Variants in ARMC8 observed in about 807,000 individuals in gnomAD.
ARMC8 encodes the protein armadillo repeat-containing protein 8.
In ARMC8, 20 loss-of-function variants were observed where a neutral mutation model predicts 99.3. The ratio of observed to expected loss-of-function variants is 0.20; its 90% CI spans 0.14 to 0.29. The LOEUF (loss-of-function observed/expected upper bound fraction) is 0.29. Among genes scored for constraint, ARMC8 ranks in the 10% least tolerant of loss-of-function variants. The probability of loss-of-function intolerance (pLI) is 1.00; values close to 1 mark genes in which losing one functional copy is unlikely to be tolerated. For synonymous variants in ARMC8, 263 were observed against 278.3 expected (o/e 0.95, Z 0.55); for missense variants, 569 against 809.5 (o/e 0.70, Z 3.60).
chr3:138,257,360 A>G (rs1319689612), intron 12 of ARMC8, among the ~76,000 whole-genome samples: 1 of 152,210 alleles, frequency 6.6e-6, no homozygotes, highest in Non-Finnish European at 1.5e-5. Context: ...TAGGTGCTCA[A>G]GCATTTCCAT....
chr3:138,277,636 A>C (rs1283286277), intron 18 of ARMC8, among the ~76,000 whole-genome samples: 1 of 152,236 alleles, frequency 6.6e-6, no homozygotes, highest in Non-Finnish European at 1.5e-5. Context: ...GAATAGCTAA[A>C]AATTTTTTTA....
chr3:138,264,796 T>G (rs563523449), intron 14 of ARMC8, among the ~76,000 whole-genome samples: 14 of 146,726 alleles, frequency 9.5e-5, no homozygotes, highest in Admixed American at 8.8e-4. Flanking sequence ...ACCTTAACCT[T>G]ATATCCAGAA....
chr3:138,203,328 A>T (rs1407229630), intron 1 of ARMC8, among the ~76,000 whole-genome samples: 1 of 152,208 alleles, frequency 6.6e-6, no homozygotes, highest in Admixed American at 6.5e-5. Context: ...ATCATTTATT[A>T]TCTCAGTTTC....
chr3:138,205,850 GC>G (rs1265803956), intron 1 of ARMC8, among the ~76,000 whole-genome samples: 1 of 152,094 alleles, frequency 6.6e-6, no homozygotes, highest in East Asian at 1.9e-4. Context: ...CCCTCTAATG[GC>G]TTCCCAACTT....
chr3:138,201,735 A>C (rs1481549493), intron 1 of ARMC8, among the ~76,000 whole-genome samples: 1 of 152,148 alleles, frequency 6.6e-6, no homozygotes, highest in Non-Finnish European at 1.5e-5. Context: ...CTGGGATTAC[A>C]GGCGTGGGCC....
chr3:138,223,116 A>G, intron 3 of ARMC8, among the ~76,000 whole-genome samples: 1 of 152,214 alleles, frequency 6.6e-6, no homozygotes, highest in East Asian at 1.9e-4. Context: ...GACTCTGATG[A>G]CGCTGTTTCT....
intron 1 of ARMC8, among the ~76,000 whole-genome samples, chr3:138,195,966 T>C (rs2107966196): frequency 6.6e-6 from 1 of 152,196 alleles, no homozygotes; most frequent in Non-Finnish European, 1.5e-5. Flanking sequence ...GGAGGAATGA[T>C]GAAACAGTGT....
chr3:138,191,761 G>C (rs565352516), intron 1 of ARMC8, among the ~76,000 whole-genome samples: 1 of 152,294 alleles, frequency 6.6e-6, no homozygotes, highest in South Asian at 2.1e-4. Context: ...CATACAGTAT[G>C]TGACTTTTTG....
chr3:138,264,074 G>A, intron 13 of ARMC8, 57 bp from the exon 14 acceptor site: 3 of 1,503,094 alleles, frequency 2.0e-6, no homozygotes, highest in Non-Finnish European at 2.8e-6. Flanking sequence ...CAGCCAGTTT[G>A]TTTGAAAAGT....
chr3:138,237,427 G>T (rs756580461), intron 8 of ARMC8, 43 bp downstream of exon 8: 1 of 1,610,602 alleles, frequency 6.2e-7, no homozygotes, highest in Non-Finnish European at 8.5e-7. Flanking sequence ...TTTAATTGAT[G>T]AACTTTTTAG....
At position 138,296,680 on chromosome 3, in the gene ARMC8, T is replaced by TTCAGTAAGTTC. The variant is rs1433758826; in HGVS notation, c.*793_*803dup. 6.6e-6 allele frequency: 1 copy of TTCAGTAAGTTC among 152,202 alleles called. No homozygotes were observed. The highest frequency in any genetic ancestry group is 2.1e-4 in the South Asian group (1 of 4,824). The allele number at this position is 152,202 out of a possible 1,614,324, so 9.4% of individuals were successfully genotyped here. A position where few individuals can be genotyped will look rare whatever the true frequency, so the allele number is the denominator to read the frequency against. On this transcript the variant is annotated 3_prime_UTR_variant, in exon 22 of 22. Transcript: ENST00000469044. ...GGTACAGAGCCTTTTTTCATCCTAA[T>TTCAGTAAGTTC]TCAGTAAGTTCTCAGGCTTCCAAGT...
intron 10 of ARMC8, 71 bp downstream of exon 10, chr3:138,239,599 A>T (rs1312864115): frequency 2.3e-5 from 21 of 918,066 alleles, no homozygotes; most frequent in Non-Finnish European, 3.4e-5. Flanking sequence ...ATTGATACTC[A>T]TATTTCATTT....
intron 1 of ARMC8, among the ~76,000 whole-genome samples, chr3:138,193,249 G>T (rs1003906134): frequency 2.0e-5 from 3 of 151,908 alleles, no homozygotes; most frequent in Middle Eastern, 3.2e-3. Context: ...GATTACAGGT[G>T]TGAGCCACCG....
chr3:138,260,610 C>T (rs1315779489), intron 12 of ARMC8, among the ~76,000 whole-genome samples: 1 of 152,178 alleles, frequency 6.6e-6, no homozygotes. Context: ...TGGAATTAGG[C>T]TTTTTCTTGG....
intron 12 of ARMC8, among the ~76,000 whole-genome samples, chr3:138,254,463 C>T (rs2047283138): frequency 6.6e-6 from 1 of 152,094 alleles, no homozygotes; most frequent in South Asian, 2.1e-4. Flanking sequence ...TTGCACAATT[C>T]CTGGGCACTG....
chr3:138,254,638 G>C (rs2047292021), intron 12 of ARMC8, among the ~76,000 whole-genome samples: 1 of 152,194 alleles, frequency 6.6e-6, no homozygotes, highest in South Asian at 2.1e-4. Context: ...TTATGAAATT[G>C]AACTCATAGA....
intron 20 of ARMC8, 40 bp from the exon 21 acceptor site, chr3:138,290,506 C>T (rs369201930): frequency 3.1e-5 from 45 of 1,442,208 alleles, no homozygotes; most frequent in Non-Finnish European, 2.3e-5. Flanking sequence ...AGAGCATTTG[C>T]CTGGGTCATG....
chr3:138,240,292 T>C (rs1296216539), intron 10 of ARMC8, among the ~76,000 whole-genome samples: 1 of 152,178 alleles, frequency 6.6e-6, no homozygotes, highest in Non-Finnish European at 1.5e-5. Flanking sequence ...ATTATCATTG[T>C]TCAAAAGGTG....
Position 138,187,517 on chromosome 3 carries a change from G to C in ARMC8, c.-38G>C. 3 of 1,535,072 alleles carry C rather than the reference G, an allele frequency of 2.0e-6. No homozygotes were observed. The highest frequency in any genetic ancestry group is 2.6e-6 in the Non-Finnish European group (3 of 1,146,116). ...TTGGCTGTCGAAAGTGCCGGCCCCCGCGCCGGCGCCTGCAGCAGCCGGGTG... is the reference window on the plus strand; with the variant it reads ...TTGGCTGTCGAAAGTGCCGGCCCCCCCGCCGGCGCCTGCAGCAGCCGGGTG... On this transcript the variant is annotated 5_prime_UTR_variant, in exon 1 of 22. Transcript: ENST00000469044.
Sources: allele counts gnomAD v4.1 joint callset (sites outside exome capture counted in the v4.1 genomes callset), GRCh38; gene constraint gnomAD v4.1.1; transcripts MANE v1.5; gene names NCBI Gene and HGNC (gene_info 2026-07-23, HGNC 2026-07-21).